ACOT7: variants seen among roughly 807,000 people sequenced by gnomAD.
ACOT7 encodes cytosolic acyl coenzyme A thioester hydrolase.
A neutral mutation model predicts 40.2 loss-of-function variants in ACOT7; 12 were observed. The ratio of observed to expected loss-of-function variants is 0.30; its 90% confidence interval spans 0.19 to 0.48. The LOEUF (loss-of-function observed/expected upper bound fraction) is 0.48, where lower values mean the gene tolerates loss of function less well. Among genes scored for constraint, ACOT7 ranks in the 20% least tolerant of loss-of-function variants. ACOT7 has a pLI of 0.99. For missense variants in ACOT7, 395 were observed against 530.8 expected (o/e 0.74, Z 2.51); for synonymous variants, 228 against 219.5 (o/e 1.04, Z -0.34).
Position 6,358,753 on chromosome 1 carries a change from C to T in ACOT7, c.144-8887G>A. 2.0e-6 allele frequency: 3 copies of T among 1,506,054 alleles called. No homozygotes were observed. The highest frequency in any genetic ancestry group is 1.1e-5 in the South Asian group (1 of 87,748). 93.3% of individuals were successfully genotyped at this position (1,506,054 alleles called of 1,614,324 possible). A position where few individuals can be genotyped will look rare whatever the true frequency, so the allele number is the denominator to read the frequency against. On this transcript the variant is annotated intron_variant, in intron 1 of 8. Transcript: ENST00000361521. The surrounding 1 kb of genome is among the most constrained non-coding windows in gnomAD (Gnocchi z 4.1). ...CCGAGTCCCCTCTACCCACCCTTCC[C>T]TTCCAAATGTCCCTAAACAATCCAC...
intron 6 of ACOT7, among the ~76,000 whole-genome samples, chr1:6,316,958 T>C (rs913691038): frequency 6.6e-6 from 1 of 152,166 alleles, no homozygotes; most frequent in African/African-American, 2.4e-5. Context: ...TCCTGAGGTG[T>C]CCCTGGTAGA....
Position 6,318,373 on chromosome 1 carries a change from G to C in ACOT7, c.712+119C>G, listed in dbSNP as rs1274078653. 7.9e-6 allele frequency: 9 copies of C among 1,136,080 alleles called. No individual in the cohort carries two copies. The African/African-American group carries it at 1.2e-4, about 16-fold the overall frequency. 70.4% of individuals were successfully genotyped at this position (1,136,080 alleles called of 1,614,324 possible). A position where few individuals can be genotyped will look rare whatever the true frequency, so the allele number is the denominator to read the frequency against. On this transcript the variant is annotated intron_variant, in intron 6 of 8. Coordinates refer to ENST00000361521, the MANE Select transcript of ACOT7 (RefSeq NM_007274.4). ...ACCTGGCCTATTGTACAACTTCTTG[G>C]AAGTTTGTACTTCACCAAACACAAG...
rs978481837 is a variant in ACOT7, at chr1:6,305,190, G to A, written c.713-10210C>T. ...CACCTCCCGGATGAGGCGGCTGGCC[G>A]GGCGGGGGGCTGTCCCCCCCACATC... On this transcript the variant is annotated intron_variant, in intron 6 of 8. Coordinates refer to ENST00000361521, the MANE Select transcript of ACOT7 (RefSeq NM_007274.4). Among the ~76,000 whole-genome samples the A allele has an allele frequency of 1.3e-4, 19 of 149,704 alleles. No homozygotes were observed. In the South Asian group the frequency reaches 2.3e-3, roughly 18 times the overall value.
At chr1:6,315,221 G>T (rs1311626577) in intron 6 of ACOT7, among the ~76,000 whole-genome samples, 1 of 152,204 alleles carries the variant, frequency 6.6e-6, no homozygotes, top group Non-Finnish European at 1.5e-5. Flanking sequence ...GGACTCGGGC[G>T]CAGCTTTGCG....
intron 6 of ACOT7, among the ~76,000 whole-genome samples, chr1:6,317,366 A>T (rs1316672553): frequency 6.6e-6 from 1 of 152,260 alleles, no homozygotes; most frequent in East Asian, 1.9e-4. Flanking sequence ...ACACATTATT[A>T]AAGTAAAAAG....
At chr1:6,346,075 CAGGCCATCA>C (rs543161145) in intron 2 of ACOT7, among the ~76,000 whole-genome samples, 50 of 152,304 alleles carry the variant, frequency 3.3e-4, no homozygotes, top group African/African-American at 1.2e-3. Flanking sequence ...GAGAGGGAGC[CAGGCCATCA>C]GGGGCATGGC....
At chr1:6,392,843 T>A (rs1344846480) in intron 1 of ACOT7, among the ~76,000 whole-genome samples, 1 of 152,056 alleles carries the variant, frequency 6.6e-6, no homozygotes, top group Non-Finnish European at 1.5e-5. Context: ...TGATCCCGAA[T>A]CCTCGAGGAG....
intron 1 of ACOT7, among the ~76,000 whole-genome samples, chr1:6,369,338 A>G (rs965281763): frequency 2.6e-5 from 4 of 151,124 alleles, no homozygotes; most frequent in African/African-American, 7.3e-5. Flanking sequence ...AAATTTTTCA[A>G]TTTACATTGC....
rs1269545563 is a variant in ACOT7, at chr1:6,393,551, C to T, written c.-152G>A. 5 of 646,820 alleles carry T rather than the reference C, an allele frequency of 7.7e-6. No individual in the cohort carries two copies. The highest frequency in any genetic ancestry group is 7.7e-5 in the African/African-American group (4 of 52,268). 40.1% of individuals were successfully genotyped at this position (646,820 alleles called of 1,614,324 possible). ...CAGGCCGCCAAGGCTGCAGAGAGCT[C>T]GCGCGGGCGTACGATTCTGGCGGCG... is the stretch of plus-strand genomic sequence containing the variant. On this transcript the variant is annotated 5_prime_UTR_variant, in exon 1 of 9. Transcript: ENST00000361521.
intron 6 of ACOT7, chr1:6,295,529 C>G (rs1639789301): frequency 6.6e-6 from 1 of 152,532 alleles, no homozygotes; most frequent in African/African-American, 2.4e-5. Flanking sequence ...GTACGCATAG[C>G]AGCCAAAAAG....
In ACOT7 at chr1:6,330,072, T is replaced by A. The variant is rs1223649212; in HGVS notation, c.511-2659A>T. ...GAAACCAGTGTGTGTGTGTGGTGTGTGTGTGTGTGTGCGTGTTCAAGATAT... is the reference window on the plus strand; with the variant it reads ...GAAACCAGTGTGTGTGTGTGGTGTGAGTGTGTGTGTGCGTGTTCAAGATAT... On this transcript the variant is annotated intron_variant, in intron 4 of 8. Transcript: ENST00000361521. The surrounding 1 kb of genome is among the most constrained non-coding windows in gnomAD (Gnocchi z 4.6). Among the ~76,000 whole-genome samples, 1 of 152,156 alleles carries A rather than the reference T, an allele frequency of 6.6e-6. No homozygotes were observed. Among genetic ancestry groups the A allele is most frequent in the East Asian group, 1.9e-4 (1 of 5,202 alleles).
In ACOT7 at chr1:6,349,854, T is replaced by A. The variant is rs1303536247; in HGVS notation, c.156A>T (p.Pro52=). The change falls in exon 2 of 9, where the codon CCA becomes CCT. Residue 52 remains proline, a synonymous_variant. Coordinates refer to ENST00000361521, the MANE Select transcript of ACOT7 (RefSeq NM_007274.4). ...SAIQICRIMR[P]DDANVAGNVH... Reference sequence around the variant, plus strand: ...CATTGCCGGCCACGTTGGCATCATCTGGCCGCATGATCCTAGGGCAGAGGA... The same window carrying A: ...CATTGCCGGCCACGTTGGCATCATCAGGCCGCATGATCCTAGGGCAGAGGA... 3 of 1,614,164 alleles carry A rather than the reference T, an allele frequency of 1.9e-6. No individual in the cohort carries two copies. Among genetic ancestry groups the A allele is most frequent in the Non-Finnish European group, 2.5e-6 (3 of 1,180,038 alleles).
intron 2 of ACOT7, among the ~76,000 whole-genome samples, chr1:6,344,974 C>T (rs1368682861): frequency 6.6e-6 from 1 of 152,072 alleles, no homozygotes; most frequent in Non-Finnish European, 1.5e-5. Flanking sequence ...CAGGACGGCT[C>T]TGATTTGCTG....
chr1:6,341,194 T>A (rs1220955215), intron 2 of ACOT7, among the ~76,000 whole-genome samples: 1 of 151,428 alleles, frequency 6.6e-6, no homozygotes, highest in Non-Finnish European at 1.5e-5. Flanking sequence ...CAGACTGGAA[T>A]GCAGTGGTGC....
Position 6,286,830 on chromosome 1 carries a change from C to A in ACOT7, c.830-5544G>T, listed in dbSNP as rs182301560. ...TATACTGATGTCAACTGCCCGCATT[C>A]ATTATGTCACATGACAGGCCCAGGA... On this transcript the variant is annotated intron_variant, in intron 7 of 8. Transcript: ENST00000361521. Among the ~76,000 whole-genome samples the A allele has an allele frequency of 3.5e-3, 529 of 152,336 alleles. 3 individuals are homozygous for A. The highest frequency in any genetic ancestry group is 6.8e-3 in the Middle Eastern group (2 of 294).
chr1:6,371,865 T>A (rs1323076956), intron 1 of ACOT7, among the ~76,000 whole-genome samples: 4 of 151,656 alleles, frequency 2.6e-5, no homozygotes, highest in Admixed American at 2.6e-4. Flanking sequence ...GCCAACATAG[T>A]GAAATCCTGT....
chr1:6,292,687 T>G (rs1486934380), intron 7 of ACOT7, among the ~76,000 whole-genome samples: 7 of 94,192 alleles, frequency 7.4e-5, no homozygotes, highest in East Asian at 2.1e-4. Context: ...TTTTTTTGTG[T>G]TTTTTTTTTT....
At chr1:6,339,648 C>T (rs1641207452) in intron 2 of ACOT7, 59 bp from the exon 3 acceptor site, 8 of 1,583,026 alleles carry the variant, frequency 5.1e-6, no homozygotes, top group Non-Finnish European at 6.9e-6. Context: ...GAGAGCCCCA[C>T]CCAGGACATG....
chr1:6,386,097 C>T (rs1223955499), intron 1 of ACOT7, among the ~76,000 whole-genome samples: 1 of 152,158 alleles, frequency 6.6e-6, no homozygotes, highest in East Asian at 1.9e-4. Flanking sequence ...CGGAGTTCCA[C>T]CTGGGCAGAG....
Sources: allele counts gnomAD v4.1 joint callset (sites outside exome capture counted in the v4.1 genomes callset), GRCh38; gene constraint gnomAD v4.1.1; non-coding constraint Gnocchi (gnomAD v3.1); transcripts MANE v1.5; gene names NCBI Gene and HGNC (gene_info 2026-07-23, HGNC 2026-07-21).